Variants in HIBCH observed in about 807,000 individuals in gnomAD.
The protein encoded by HIBCH is 3-hydroxyisobutyryl-CoA hydrolase, mitochondrial.
HIBCH carries 50 observed loss-of-function variants against 58.2 expected under a neutral mutation model. The observed-to-expected ratio is 0.86, with a 90% CI of 0.68 to 1.09. The LOEUF is 1.09. Ranked by LOEUF, HIBCH falls within the 50% of genes least tolerant of loss-of-function variation. The pLI is 0.00. For synonymous variants in HIBCH, 151 were observed against 146.9 expected (o/e 1.03, Z -0.20); for missense variants, 450 against 449.7 (o/e 1.00, Z -0.01).
At position 190,281,592 on chromosome 2, in the gene HIBCH, C is replaced by G. The variant is rs1334346875; in HGVS notation, c.438+5994G>C. On this transcript the variant is annotated intron_variant, in intron 6 of 13. Coordinates refer to ENST00000359678, the MANE Select transcript of HIBCH (RefSeq NM_014362.4). This position sits in a 1 kb window ranked among gnomAD's most constrained non-coding sequence, Gnocchi z 5.4. ...ATTCCCTTCCATTAAGTATTACTCT[C>G]TTTAGCAAAAATTGCTGCGCCACAC... 6.6e-6 allele frequency among the ~76,000 whole-genome samples: 1 copy of G among 152,186 alleles called. No individual in the cohort carries two copies. The highest frequency in any genetic ancestry group is 1.5e-5 in the Non-Finnish European group (1 of 68,028).
chr2:190,285,405 T>G (rs1687804761), intron 6 of HIBCH, among the ~76,000 whole-genome samples: 2 of 152,298 alleles, frequency 1.3e-5, no homozygotes, highest in South Asian at 4.1e-4. Flanking sequence ...TCTGCAGTAC[T>G]TTTTTCAGAG....
intron 6 of HIBCH, among the ~76,000 whole-genome samples, chr2:190,270,476 T>C (rs1322636401): frequency 6.6e-6 from 1 of 151,984 alleles, no homozygotes; most frequent in Non-Finnish European, 1.5e-5. Flanking sequence ...AGATACACAA[T>C]GGGGTGATGT....
chr2:190,262,244 A>G (rs1352401756), intron 6 of HIBCH, among the ~76,000 whole-genome samples: 1 of 152,130 alleles, frequency 6.6e-6, no homozygotes, highest in East Asian at 1.9e-4. Flanking sequence ...AACAAAACAA[A>G]CACATAAAAA....
At chr2:190,319,659 C>G in intron 1 of HIBCH, 57 bp downstream of exon 1, 1 of 1,459,256 alleles carries the variant, frequency 6.9e-7, no homozygotes, top group South Asian at 1.2e-5. Flanking sequence ...GGCCCTTTTC[C>G]CACTGTGGCG....
At chr2:190,229,239 T>C (rs564931579) in intron 11 of HIBCH, among the ~76,000 whole-genome samples, 1 of 152,272 alleles carries the variant, frequency 6.6e-6, no homozygotes, top group South Asian at 2.1e-4. Context: ...AAAAAATGCA[T>C]TAAAAACAGA....
At chr2:190,297,470 G>C (rs1403023046) in intron 2 of HIBCH, among the ~76,000 whole-genome samples, 1 of 152,202 alleles carries the variant, frequency 6.6e-6, no homozygotes, top group Non-Finnish European at 1.5e-5. Flanking sequence ...ATGTTAAGAT[G>C]TTAAAACATT....
intron 1 of HIBCH, among the ~76,000 whole-genome samples, chr2:190,319,181 A>G (rs1433749556): frequency 2.6e-5 from 4 of 152,222 alleles, no homozygotes; most frequent in Non-Finnish European, 4.4e-5. Flanking sequence ...ACTTTCAAAA[A>G]GTTAAACAAT....
intron 4 of HIBCH, 34 bp from the exon 5 acceptor site, chr2:190,290,519 G>A: frequency 1.6e-5 from 20 of 1,248,344 alleles, no homozygotes; most frequent in Non-Finnish European, 1.6e-5. Context: ...AAAAAAAAAA[G>A]ATTTAATAGT....
chr2:190,220,290 C>A (rs559244321), intron 11 of HIBCH: 1 of 152,266 alleles, frequency 6.6e-6, no homozygotes, highest in East Asian at 1.9e-4. Flanking sequence ...TTAGACTTTA[C>A]CTGAGTTCAA....
chr2:190,206,085 CAA>C lies in HIBCH; in HGVS notation c.1046-855_1046-854del, dbSNP rs1323611459. ...TGAAGAATGGAAATATTTAAATGTG[CAA>C]ACTATAGTGAACTAGAAAAACCTAA... On this transcript the variant is annotated intron_variant, in intron 13 of 13. Transcript: ENST00000359678. The surrounding 1 kb of genome is among the most constrained non-coding windows in gnomAD (Gnocchi z 5.1). Among the ~76,000 whole-genome samples, 50 of 152,222 alleles carry C rather than the reference CAA, an allele frequency of 3.3e-4. No homozygotes were observed. The highest frequency in any genetic ancestry group is 3.4e-3 in the Middle Eastern group (1 of 294).
At position 190,207,679 on chromosome 2, in the gene HIBCH, A is replaced by C. The variant is rs1487869490; in HGVS notation, c.1045+1201T>G. 1.3e-5 allele frequency among the ~76,000 whole-genome samples: 2 copies of C among 152,144 alleles called. No homozygotes were observed. The highest frequency in any genetic ancestry group is 1.3e-4 in the Admixed American group (2 of 15,268). On this transcript the variant is annotated intron_variant, in intron 13 of 13. Coordinates refer to ENST00000359678, the MANE Select transcript of HIBCH (RefSeq NM_014362.4). The surrounding 1 kb of genome is among the most constrained non-coding windows in gnomAD (Gnocchi z 4.5). ...CCAGATCACATAATATCAGGAGTTC[A>C]AGACCAGCCTGGCCAACATGGTGAA... is the stretch of plus-strand genomic sequence containing the variant.
At chr2:190,257,554 G>A (rs895562105) in intron 7 of HIBCH, among the ~76,000 whole-genome samples, 2 of 152,262 alleles carry the variant, frequency 1.3e-5, no homozygotes, top group South Asian at 2.1e-4. Flanking sequence ...AAGAGAGCCA[G>A]AAATCACTAA....
chr2:190,212,914 C>G (rs1690544817), intron 12 of HIBCH, 42 bp downstream of exon 12: 1 of 1,539,850 alleles, frequency 6.5e-7, no homozygotes, highest in Non-Finnish European at 8.9e-7. Context: ...ACGTATGTTA[C>G]TTTTAGAACT....
intron 9 of HIBCH, among the ~76,000 whole-genome samples, chr2:190,246,723 A>C (rs1686618558): frequency 6.6e-6 from 1 of 152,214 alleles, no homozygotes; most frequent in South Asian, 2.1e-4. Flanking sequence ...AGTTCTAGTT[A>C]ATCTCTTTCA....
At chr2:190,264,049 A>T (rs776805608) in intron 6 of HIBCH, among the ~76,000 whole-genome samples, 1 of 152,000 alleles carries the variant, frequency 6.6e-6, no homozygotes, top group Admixed American at 6.6e-5. Flanking sequence ...TTCTTGCCAC[A>T]ATCTATCATC....
chr2:190,213,335 T>G, intron 11 of HIBCH: 1 of 434,436 alleles, frequency 2.3e-6, no homozygotes, highest in South Asian at 2.4e-5. Context: ...TAGCATAAAT[T>G]ATGCCAATTG....
intron 1 of HIBCH, among the ~76,000 whole-genome samples, chr2:190,317,808 A>T (rs1255249383): frequency 6.7e-6 from 1 of 149,760 alleles, no homozygotes; most frequent in Non-Finnish European, 1.5e-5. Flanking sequence ...GTGCAAATTT[A>T]TTTTTCTTTT....
chr2:190,249,757 C>T (rs772349367), intron 8 of HIBCH, 31 bp from the exon 9 acceptor site: 1 of 1,315,330 alleles, frequency 7.6e-7, no homozygotes, highest in East Asian at 2.3e-5. Flanking sequence ...AAGGAAAGAT[C>T]TTAGATCCAA....
At chr2:190,246,241 A>G (rs1686604630) in intron 9 of HIBCH, 29 bp from the exon 10 acceptor site, 2 of 1,307,898 alleles carry the variant, frequency 1.5e-6, no homozygotes, top group Non-Finnish European at 2.2e-6. Flanking sequence ...CTTTTAATAA[A>G]TTTGAACACA....
Sources: allele counts gnomAD v4.1 joint callset (sites outside exome capture counted in the v4.1 genomes callset), GRCh38; gene constraint gnomAD v4.1.1; non-coding constraint Gnocchi (gnomAD v3.1); transcripts MANE v1.5; gene names NCBI Gene and HGNC (gene_info 2026-07-23, HGNC 2026-07-21).